The following NELL2 variants were observed in gnomAD, a reference collection of about 807,000 sequenced individuals.
The protein encoded by NELL2 is protein kinase C-binding protein NELL2.
Under a neutral mutation model 109.6 loss-of-function variants are expected in NELL2, and 41 were observed. The observed-to-expected ratio is 0.37, with a 90% CI of 0.29 to 0.49. NELL2 has a LOEUF of 0.49. Among genes scored for constraint, NELL2 ranks in the 20% least tolerant of loss-of-function variants. The pLI is 0.98. For missense variants in NELL2, 900 were observed against 1,008.3 expected (o/e 0.89, Z 1.45); for synonymous variants, 355 against 344.7 (o/e 1.03, Z -0.33).
At chr12:44,750,740 C>T (rs539161586) in intron 9 of NELL2, among the ~76,000 whole-genome samples, 2 of 151,994 alleles carry the variant, frequency 1.3e-5, no homozygotes, top group South Asian at 2.1e-4. Context: ...ATAGATATAC[C>T]GCACATATCC....
At chr12:44,638,605 G>A (rs758684739) in intron 13 of NELL2, among the ~76,000 whole-genome samples, 11 of 152,180 alleles carry the variant, frequency 7.2e-5, no homozygotes, top group Non-Finnish European at 1.5e-4. Context: ...ATAGCTATGG[G>A]ATGCTTTGCA....
At chr12:44,856,161 C>T (rs1944677548) in intron 2 of NELL2, among the ~76,000 whole-genome samples, 1 of 152,296 alleles carries the variant, frequency 6.6e-6, no homozygotes. Context: ...AAGGAGATCA[C>T]AATCTAGTCA....
intron 16 of NELL2, among the ~76,000 whole-genome samples, chr12:44,526,001 GA>G (rs1941753512): frequency 6.6e-6 from 1 of 152,230 alleles, no homozygotes; most frequent in Non-Finnish European, 1.5e-5. Flanking sequence ...TGGAGAAACA[GA>G]AGTGCTGGTA....
chr12:44,604,094 G>C (rs917443383), intron 15 of NELL2, among the ~76,000 whole-genome samples: 1 of 152,086 alleles, frequency 6.6e-6, no homozygotes, highest in Non-Finnish European at 1.5e-5. Flanking sequence ...AGGTTGAAGG[G>C]GGCATAACAA....
Position 44,876,129 on chromosome 12 carries a change from C to T in NELL2, c.-260G>A, listed in dbSNP as rs60004743. 1,163 of 1,300,676 alleles carry T rather than the reference C, an allele frequency of 8.9e-4. 6 individuals carry two copies. The African/African-American group carries it at 0.014, about 16-fold the overall frequency. 80.6% of individuals were successfully genotyped at this position (1,300,676 alleles called of 1,614,324 possible). ...GCGGCAGCGCGGCCCGGAGGGGGCCCGGAGGGAGGGGTCGGACTCGCCCCG... is the reference window on the plus strand; with the variant it reads ...GCGGCAGCGCGGCCCGGAGGGGGCCTGGAGGGAGGGGTCGGACTCGCCCCG... On this transcript the variant is annotated 5_prime_UTR_variant, in exon 1 of 20. Transcript: ENST00000429094.
At chr12:44,898,985 G>C (rs534106021) in intron 1 of NELL2, among the ~76,000 whole-genome samples, 2 of 151,930 alleles carry the variant, frequency 1.3e-5, no homozygotes, top group East Asian at 3.9e-4. Flanking sequence ...AGCCAAATTG[G>C]TCAAGTGGAG....
chr12:44,554,944 A>G (rs1943188321), intron 15 of NELL2, among the ~76,000 whole-genome samples: 1 of 152,222 alleles, frequency 6.6e-6, no homozygotes, highest in Non-Finnish European at 1.5e-5. Context: ...AAGAAATTTC[A>G]CAGACACAGG....
intron 13 of NELL2, among the ~76,000 whole-genome samples, chr12:44,646,566 G>A (rs1947102865): frequency 6.6e-6 from 1 of 152,200 alleles, no homozygotes; most frequent in Non-Finnish European, 1.5e-5. Flanking sequence ...TGTAATCAAA[G>A]TTATGTGAGT....
Position 44,874,035 on chromosome 12 carries a change from CAT to C in NELL2, c.184+1188_184+1189del, listed in dbSNP as rs370064212. Among the ~76,000 whole-genome samples the C allele has an allele frequency of 3.7e-3, 562 of 152,268 alleles. 1 individual carries two copies. Among genetic ancestry groups the C allele is most frequent in the African/African-American group, 0.013 (534 of 41,562 alleles). On this transcript the variant is annotated intron_variant, in intron 2 of 19. Transcript: ENST00000429094. ...AAACTTGTTTTAAGTAAATGTAACACATGTGAATTTCCTCCTTTCCCAACTCT... is the reference window on the plus strand; with the variant it reads ...AAACTTGTTTTAAGTAAATGTAACACGTGAATTTCCTCCTTTCCCAACTCT...
intron 1 of NELL2, among the ~76,000 whole-genome samples, chr12:44,901,739 G>A (rs1341051249): frequency 1.3e-5 from 2 of 152,086 alleles, no homozygotes; most frequent in African/African-American, 4.8e-5. Context: ...ATGTGAGGCT[G>A]GTTCAATATA....
intron 9 of NELL2, among the ~76,000 whole-genome samples, chr12:44,773,931 A>C (rs1335793872): frequency 6.6e-6 from 1 of 151,970 alleles, no homozygotes; most frequent in Non-Finnish European, 1.5e-5. Flanking sequence ...ACTTCTCCCT[A>C]CTTTGTCTTT....
chr12:44,608,145 G>C (rs1164002225), intron 14 of NELL2, among the ~76,000 whole-genome samples: 1 of 152,076 alleles, frequency 6.6e-6, no homozygotes, highest in Non-Finnish European at 1.5e-5. Flanking sequence ...CTCAGCAGCT[G>C]CTTCCTCAGC....
rs142927558 is a variant in NELL2 at position 44,725,781 on chromosome 12, T to C, written c.995-11040A>G. ...ACCAAATACCACATGTTTTCACTTATAAGTGGGAACTAAACGATAAGAACT... is the reference window on the plus strand; with the variant it reads ...ACCAAATACCACATGTTTTCACTTACAAGTGGGAACTAAACGATAAGAACT... On this transcript the variant is annotated intron_variant, in intron 9 of 19. Coordinates refer to ENST00000429094, the MANE Select transcript of NELL2 (RefSeq NM_001145108.2). Among the ~76,000 whole-genome samples, 173 of 152,246 alleles carry C rather than the reference T, an allele frequency of 1.1e-3. 1 individual carries two copies. Among genetic ancestry groups the C allele is most frequent in the African/African-American group, 3.8e-3 (157 of 41,550 alleles).
intron 1 of NELL2, among the ~76,000 whole-genome samples, chr12:44,894,942 C>T (rs1945576226): frequency 6.6e-6 from 1 of 152,162 alleles, no homozygotes; most frequent in African/African-American, 2.4e-5. Flanking sequence ...TTTGGTGATT[C>T]AAACATTCTC....
chr12:44,724,375 T>G (rs1938956276), intron 9 of NELL2, among the ~76,000 whole-genome samples: 1 of 151,936 alleles, frequency 6.6e-6, no homozygotes, highest in South Asian at 2.1e-4. Context: ...CACCTGCATA[T>G]GTATGCTTTA....
intron 2 of NELL2, among the ~76,000 whole-genome samples, chr12:44,817,442 G>A (rs985702561): frequency 6.6e-6 from 1 of 152,152 alleles, no homozygotes; most frequent in Non-Finnish European, 1.5e-5. Flanking sequence ...GACACCTAAT[G>A]TGATACAATG....
At chr12:44,554,544 C>T (rs370936997) in intron 15 of NELL2, among the ~76,000 whole-genome samples, 1 of 151,982 alleles carries the variant, frequency 6.6e-6, no homozygotes, top group Non-Finnish European at 1.5e-5. Flanking sequence ...ATGATGATTC[C>T]GTGGATGTAT....
At chr12:44,716,874 A>C (rs1330162429) in intron 9 of NELL2, among the ~76,000 whole-genome samples, 1 of 152,106 alleles carries the variant, frequency 6.6e-6, no homozygotes, top group African/African-American at 2.4e-5. Flanking sequence ...GTCTTTTGAT[A>C]ATTTAATATT....
At position 44,737,925 on chromosome 12, in the gene NELL2, A is replaced by G. The variant is rs190068905; in HGVS notation, c.995-23184T>C. On this transcript the variant is annotated intron_variant, in intron 9 of 19. Transcript: ENST00000429094. ...AATGTATGACAGACTACAGATTAAC[A>G]AGGTAAAAATACAGACCAGCTGCTG... is the stretch of plus-strand genomic sequence containing the variant. 2.9e-3 allele frequency among the ~76,000 whole-genome samples: 444 copies of G among 152,276 alleles called. 3 individuals are homozygous for G. The highest frequency in any genetic ancestry group is 6.8e-3 in the Middle Eastern group (2 of 294).
Sources: gnomAD v4.1 joint callset for allele counts (sites outside exome capture counted in the v4.1 genomes callset) on GRCh38, gnomAD v4.1.1 for gene constraint, MANE v1.5 for transcripts, NCBI Gene and HGNC (gene_info 2026-07-23, HGNC 2026-07-21) for gene names.